ALMS1: variants seen among roughly 807,000 people sequenced by gnomAD.
The protein encoded by ALMS1 is centrosome-associated protein ALMS1.
A neutral mutation model predicts 352.2 loss-of-function variants in ALMS1; 271 were observed. That is an observed-to-expected ratio of 0.77 (90% CI 0.70 to 0.85). The LOEUF is 0.85. Ranked by LOEUF, ALMS1 falls within the 40% of genes least tolerant of loss-of-function variation. ALMS1 has a pLI of 0.00. For missense variants in ALMS1, 5,445 were observed against 4,870.7 expected, an observed-to-expected ratio of 1.12 and a Z score of -3.51; for synonymous variants, 1,865 against 1,761.2, an observed-to-expected ratio of 1.06 and a Z score of -1.48.
intron 15 of ALMS1, among the ~76,000 whole-genome samples, chr2:73,565,448 A>C (rs1038821341): frequency 1.3e-5 from 2 of 152,232 alleles, no homozygotes; most frequent in African/African-American, 2.4e-5. Flanking sequence ...TAAATGATTT[A>C]ATAAATAAAT....
chr2:73,506,991 G>C (rs928766375), intron 10 of ALMS1, among the ~76,000 whole-genome samples: 3 of 152,120 alleles, frequency 2.0e-5, no homozygotes, highest in Non-Finnish European at 2.9e-5. Context: ...GCATGAAGGG[G>C]TGTTGAATTT....
rs1402153419 is a variant in ALMS1, at chr2:73,451,699, G to C, written c.5172G>C (p.Gln1724His). The C allele has an allele frequency of 5.6e-6, 9 of 1,613,346 alleles. No homozygotes were observed. The highest frequency in any genetic ancestry group is 7.6e-6 in the Non-Finnish European group (9 of 1,179,860). ...AGAAGCCCATTGTCTTCTACCAACAGGCCCTGCCAGACAGTGAGCTAACTC... is the reference window on the plus strand; with the variant it reads ...AGAAGCCCATTGTCTTCTACCAACACGCCCTGCCAGACAGTGAGCTAACTC... ...YREKPIVFYQ[Q>H]ALPDSELTQE... The change falls in exon 8 of 23, where the codon CAG becomes CAC. Residue 1724 changes from glutamine (Q) to histidine (H), a missense_variant. Coordinates refer to ENST00000613296, the MANE Select transcript of ALMS1 (RefSeq NM_001378454.1).
intron 7 of ALMS1, among the ~76,000 whole-genome samples, chr2:73,447,072 A>G (rs1270990358): frequency 6.6e-6 from 1 of 151,166 alleles, no homozygotes; most frequent in Non-Finnish European, 1.5e-5. Flanking sequence ...TTATTGCTGT[A>G]TGTAGAACAG....
intron 8 of ALMS1, among the ~76,000 whole-genome samples, chr2:73,454,646 T>C (rs1233103031): frequency 1.3e-5 from 2 of 152,286 alleles, no homozygotes; most frequent in Admixed American, 6.5e-5. Context: ...TAATTTCTAA[T>C]AGAATTCCAT....
At chr2:73,386,898 T>G (rs1487048777) in intron 1 of ALMS1, among the ~76,000 whole-genome samples, 1 of 152,194 alleles carries the variant, frequency 6.6e-6, no homozygotes, top group African/African-American at 2.4e-5. Flanking sequence ...AACTTACTGC[T>G]TTTCGAGGAG....
chr2:73,583,500 G>T (rs1012360991), intron 16 of ALMS1, among the ~76,000 whole-genome samples: 2 of 152,042 alleles, frequency 1.3e-5, no homozygotes. Flanking sequence ...TTTAAGTTTA[G>T]TGTGGTCCTG....
At chr2:73,506,297 T>C (rs1265037304) in intron 10 of ALMS1, among the ~76,000 whole-genome samples, 1 of 152,218 alleles carries the variant, frequency 6.6e-6, no homozygotes, top group Non-Finnish European at 1.5e-5. Flanking sequence ...ATATGAACTT[T>C]AAAGTAGTTT....
rs975308906 is a variant in ALMS1 at position 73,449,993 on chromosome 2, C to G, written c.3466C>G (p.Gln1156Glu). The change falls in exon 8 of 23, where the codon CAG (glutamine) becomes GAG (glutamate). Residue 1156 changes from glutamine (Q) to glutamate (E), a missense_variant. Physicochemically the swap from Gln to Glu is conservative, Grantham distance 29. Coordinates refer to ENST00000613296, the MANE Select transcript of ALMS1 (RefSeq NM_001378454.1). Reference sequence around the variant, plus strand: ...TAGAGAAAAGCCCAGCATTTTCCACCAGCAGGCCTTGCCAGGTACTCATAT... The same window carrying G: ...TAGAGAAAAGCCCAGCATTTTCCACGAGCAGGCCTTGCCAGGTACTCATAT... ...QHREKPSIFH[Q>E]QALPGTHIPE... 6.2e-7 allele frequency: 1 copy of G among 1,614,004 alleles called. No individual in the cohort carries two copies. The highest frequency in any genetic ancestry group is 8.5e-7 in the Non-Finnish European group (1 of 1,179,948).
At chr2:73,492,833 C>G (rs1467680570) in intron 10 of ALMS1, among the ~76,000 whole-genome samples, 1 of 152,082 alleles carries the variant, frequency 6.6e-6, no homozygotes, top group Non-Finnish European at 1.5e-5. Context: ...AACCTCCGCC[C>G]CCTGGGTTCC....
intron 10 of ALMS1, among the ~76,000 whole-genome samples, chr2:73,508,843 C>T (rs578172683): frequency 9.9e-5 from 15 of 152,042 alleles, no homozygotes; most frequent in Non-Finnish European, 1.8e-4. Flanking sequence ...CCACTATTAC[C>T]GTGTGGGAGT....
chr2:73,476,570 GT>G (rs150518132), intron 9 of ALMS1, among the ~76,000 whole-genome samples: 8 of 150,226 alleles, frequency 5.3e-5, no homozygotes, highest in Non-Finnish European at 1.0e-4. Flanking sequence ...GTTATTTTCT[GT>G]TTTTTTTTGT....
intron 7 of ALMS1, among the ~76,000 whole-genome samples, chr2:73,442,012 A>G (rs1296767229): frequency 6.6e-6 from 1 of 152,180 alleles, no homozygotes; most frequent in Admixed American, 6.5e-5. Flanking sequence ...CTATGCCATG[A>G]AACTTTCCTA....
chr2:73,520,540 A>C (rs1181643166), intron 11 of ALMS1, among the ~76,000 whole-genome samples: 1 of 152,234 alleles, frequency 6.6e-6, no homozygotes, highest in Non-Finnish European at 1.5e-5. Context: ...TAAAATATAT[A>C]ACCCAAGGTT....
intron 10 of ALMS1, among the ~76,000 whole-genome samples, chr2:73,510,196 C>T (rs1215973602): frequency 2.0e-5 from 3 of 152,074 alleles, no homozygotes; most frequent in Non-Finnish European, 4.4e-5. Flanking sequence ...TTGTTATTAC[C>T]CACCTTCTGA....
At chr2:73,495,443 CCAGGCTGGT>C (rs1673084319) in intron 10 of ALMS1, among the ~76,000 whole-genome samples, 1 of 152,114 alleles carries the variant, frequency 6.6e-6, no homozygotes, top group Admixed American at 6.5e-5. Flanking sequence ...ACCATGTTGG[CCAGGCTGGT>C]CTTGAACTCC....
chr2:73,579,933 G>C (rs1675138040), intron 16 of ALMS1, among the ~76,000 whole-genome samples: 1 of 152,112 alleles, frequency 6.6e-6, no homozygotes, highest in Non-Finnish European at 1.5e-5. Flanking sequence ...TCAAGTTGGA[G>C]GAGTTTCCAA....
At chr2:73,512,162 G>A (rs982733662) in intron 10 of ALMS1, among the ~76,000 whole-genome samples, 4 of 152,108 alleles carry the variant, frequency 2.6e-5, no homozygotes, top group Admixed American at 2.0e-4. Flanking sequence ...TCAGCTCACT[G>A]CAACCTCTGC....
At position 73,450,822 on chromosome 2, in the gene ALMS1, C is replaced by T. The variant is rs1486897578; in HGVS notation, c.4295C>T (p.Thr1432Ile). Residue 1432 changes from threonine (T) to isoleucine (I), a missense_variant, in exon 8 of 23, where the codon ACA (threonine) becomes ATA (isoleucine). Coordinates refer to ENST00000613296, the MANE Select transcript of ALMS1 (RefSeq NM_001378454.1). ...PTLPSTFYSH[T>I]EKPGSFYQQV... The stretch of plus-strand genomic sequence containing the variant: ...TTACCCTCTACTTTCTACTCACACA[C>T]AGAGAAGCCTGGTAGTTTCTACCAA... 6.2e-7 allele frequency: 1 copy of T among 1,613,968 alleles called. No individual in the cohort carries two copies. The highest frequency in any genetic ancestry group is 1.1e-5 in the South Asian group (1 of 91,074).
At chr2:73,414,874 T>C (rs1671154684) in intron 2 of ALMS1, among the ~76,000 whole-genome samples, 1 of 152,164 alleles carries the variant, frequency 6.6e-6, no homozygotes, top group Non-Finnish European at 1.5e-5. Flanking sequence ...GTTTTAACAC[T>C]TTTGAAATAG....
Sources: allele counts gnomAD v4.1 joint callset (sites outside exome capture counted in the v4.1 genomes callset), GRCh38; gene constraint gnomAD v4.1.1; transcripts MANE v1.5; gene names NCBI Gene and HGNC (gene_info 2026-07-23, HGNC 2026-07-21).